SAMMSON: variants seen among roughly 807,000 people sequenced by gnomAD.
SAMMSON encodes the protein survival associated mitochondrial melanoma specific oncogenic non-coding RNA, also known as long intergenic non-protein coding RNA 1212.
chr3:70,432,239 G>A (rs377185992), intron 2 of SAMMSON, among the ~76,000 whole-genome samples: 1 of 151,622 alleles, frequency 6.6e-6, no homozygotes, highest in South Asian at 2.1e-4. Flanking sequence ...GATGTGAAGT[G>A]TTAACTCATT....
chr3:70,383,501 A>G (rs1703091544), intron 9 of SAMMSON, among the ~76,000 whole-genome samples: 1 of 152,066 alleles, frequency 6.6e-6, no homozygotes, highest in Admixed American at 6.6e-5. Context: ...TGAGGTTTCC[A>G]CGCCCACTTT....
intron 1 of SAMMSON, among the ~76,000 whole-genome samples, chr3:70,000,960 C>T (rs891251883): frequency 6.6e-6 from 1 of 152,046 alleles, no homozygotes; most frequent in Non-Finnish European, 1.5e-5. Context: ...TTCCTGAGGC[C>T]CTGGAGAAGC....
intron 4 of SAMMSON, among the ~76,000 whole-genome samples, chr3:70,238,556 G>A (rs1046250116): frequency 6.6e-6 from 1 of 151,882 alleles, no homozygotes; most frequent in Admixed American, 6.6e-5. Context: ...AGGCTGCAAT[G>A]AGCCATGATC....
intron 6 of SAMMSON, among the ~76,000 whole-genome samples, chr3:70,287,884 T>C (rs1575616325): frequency 6.6e-6 from 1 of 152,188 alleles, no homozygotes; most frequent in South Asian, 2.1e-4. Flanking sequence ...AGTTTGTATT[T>C]CTGTGGGATC....
At chr3:70,381,770 C>A (rs969364595) in intron 9 of SAMMSON, among the ~76,000 whole-genome samples, 1 of 151,986 alleles carries the variant, frequency 6.6e-6, no homozygotes. Context: ...AGGGAACAGA[C>A]CCAGTTTCTT....
intron 2 of SAMMSON, among the ~76,000 whole-genome samples, chr3:70,432,676 C>A (rs556966260): frequency 1.1e-4 from 16 of 151,978 alleles, no homozygotes; most frequent in Non-Finnish European, 1.9e-4. Flanking sequence ...AAATAAAGTT[C>A]ATGGTTTACA....
At chr3:70,108,754 A>G (rs760443467) in intron 4 of SAMMSON, among the ~76,000 whole-genome samples, 10 of 151,978 alleles carry the variant, frequency 6.6e-5, no homozygotes, top group Non-Finnish European at 8.8e-5. Context: ...CAGTGAGACA[A>G]TGGCTGCCTA....
chr3:70,423,300 G>A (rs541462224), intron 2 of SAMMSON, among the ~76,000 whole-genome samples: 4 of 152,190 alleles, frequency 2.6e-5, no homozygotes, highest in South Asian at 2.1e-4. Flanking sequence ...GAACAAATGT[G>A]TTTCCTTTTA....
intron 1 of SAMMSON, among the ~76,000 whole-genome samples, chr3:70,011,681 A>G (rs760937417): frequency 6.6e-6 from 1 of 151,018 alleles, no homozygotes; most frequent in East Asian, 2.0e-4. Context: ...TTTCAGTTCC[A>G]TTTCTCTGAT....
At chr3:70,124,178 A>G (rs1371540403) in intron 4 of SAMMSON, among the ~76,000 whole-genome samples, 1 of 152,160 alleles carries the variant, frequency 6.6e-6, no homozygotes, top group Non-Finnish European at 1.5e-5. Flanking sequence ...ATCCCCTACC[A>G]TATCTCTAGC....
chr3:70,429,452 C>CT (rs1701396418), intron 2 of SAMMSON, among the ~76,000 whole-genome samples: 1 of 152,084 alleles, frequency 6.6e-6, no homozygotes. Context: ...TATACAGGCT[C>CT]TTTTTTGGTT....
rs566912190 is a variant in SAMMSON, at chr3:70,377,029, A to G, written n.914-12545A>G. 4.6e-5 allele frequency among the ~76,000 whole-genome samples: 7 copies of G among 152,296 alleles called. No individual in the cohort carries two copies. The South Asian group carries it at 8.3e-4, about 18-fold the overall frequency. The stretch of plus-strand genomic sequence containing the variant: ...TAAAGCAAAGGCATACCATTCTTGA[A>G]TAGTAATTTAAGATATCTTATAAAA... On this transcript the variant is annotated intron_variant and non_coding_transcript_variant, in intron 9 of 9. Coordinates refer to ENST00000642114, the Ensembl canonical transcript of SAMMSON.
intron 4 of SAMMSON, among the ~76,000 whole-genome samples, chr3:70,147,137 A>G (rs1184267277): frequency 1.3e-5 from 2 of 152,024 alleles, no homozygotes; most frequent in Non-Finnish European, 2.9e-5. Flanking sequence ...TTTGCTGAAA[A>G]TTATAAAACA....
intron 2 of SAMMSON, among the ~76,000 whole-genome samples, chr3:70,402,003 G>C (rs1701145017): frequency 6.6e-6 from 1 of 152,068 alleles, no homozygotes; most frequent in Non-Finnish European, 1.5e-5. Flanking sequence ...TAATTAAGCA[G>C]CCCTGTTTTT....
intron 4 of SAMMSON, among the ~76,000 whole-genome samples, chr3:70,185,463 T>G (rs1701084601): frequency 6.6e-6 from 1 of 152,118 alleles, no homozygotes. Context: ...TGATTGAAGT[T>G]TGCCACCCTC....
At chr3:70,168,694 C>T (rs550933734) in intron 4 of SAMMSON, among the ~76,000 whole-genome samples, 20 of 152,098 alleles carry the variant, frequency 1.3e-4, no homozygotes, top group Non-Finnish European at 2.5e-4. Context: ...CACTTGTCAA[C>T]ATTAGGCGTA....
chr3:70,133,963 G>T (rs1259984639), intron 4 of SAMMSON, among the ~76,000 whole-genome samples: 2 of 151,962 alleles, frequency 1.3e-5, no homozygotes, highest in Non-Finnish European at 2.9e-5. Flanking sequence ...AACAAAATGG[G>T]CCAGGTGCGG....
intron 3 of SAMMSON, among the ~76,000 whole-genome samples, chr3:70,054,256 CTGACAAG>C (rs2067157966): frequency 6.6e-6 from 1 of 152,128 alleles, no homozygotes; most frequent in Non-Finnish European, 1.5e-5. Context: ...CATTTCAAAA[CTGACAAG>C]TGAATGGGGA....
intron 2 of SAMMSON, among the ~76,000 whole-genome samples, chr3:70,397,693 G>A (rs890470019): frequency 6.6e-6 from 1 of 151,886 alleles, no homozygotes; most frequent in African/African-American, 2.4e-5. Context: ...AATCCTAAAA[G>A]TAAAATTACT....
Sources: allele counts gnomAD v4.1 joint callset (sites outside exome capture counted in the v4.1 genomes callset), GRCh38; gene constraint gnomAD v4.1.1; transcripts MANE v1.5; gene names NCBI Gene and HGNC (gene_info 2026-07-23, HGNC 2026-07-21).